Variants in IQSEC3 observed in about 807,000 individuals in gnomAD.
The protein encoded by IQSEC3 is IQ motif and Sec7 domain ArfGEF 3.
A neutral mutation model predicts 105.4 loss-of-function variants in IQSEC3; 50 were observed. The observed-to-expected ratio is 0.47, with a 90% CI of 0.38 to 0.60. The LOEUF (loss-of-function observed/expected upper bound fraction) is 0.60. Among genes scored for constraint, IQSEC3 ranks in the 20% least tolerant of loss-of-function variants. The pLI is 0.00. For missense variants in IQSEC3, 1,415 were observed against 1,630.0 expected, an observed-to-expected ratio of 0.87 and a Z score of 2.27; for synonymous variants, 708 against 746.0, an observed-to-expected ratio of 0.95 and a Z score of 0.83.
At chr12:136,626 G>A (rs564467735) in intron 3 of IQSEC3, among the ~76,000 whole-genome samples, 1 of 152,022 alleles carries the variant, frequency 6.6e-6, no homozygotes, top group Admixed American at 6.5e-5. Flanking sequence ...TGGAGAACAC[G>A]GGACGTCCCT....
chr12:114,348 A>G (rs370063017), intron 2 of IQSEC3, among the ~76,000 whole-genome samples: 14 of 152,348 alleles, frequency 9.2e-5, no homozygotes, highest in African/African-American at 3.4e-4. Flanking sequence ...GGACCTGAAC[A>G]ACATGCTTGC....
chr12:104,969 G>A (rs974627482), intron 2 of IQSEC3, among the ~76,000 whole-genome samples: 2 of 152,276 alleles, frequency 1.3e-5, no homozygotes, highest in Non-Finnish European at 2.9e-5. Flanking sequence ...TCACGTGCCT[G>A]CTCCGGGAGT....
rs1938833011 is a variant in IQSEC3 at position 169,116 on chromosome 12, G to C, written c.3064+11G>C. 6.2e-7 allele frequency: 1 copy of C among 1,612,378 alleles called. No homozygotes were observed. The highest frequency in any genetic ancestry group is 1.3e-5 in the African/African-American group (1 of 74,904). ...AAGGATCGCCGACAGGTGAGCCTCG[G>C]CTCCGCTCAGGGCACCAGTCCCCAT... On this transcript the variant is annotated intron_variant, in intron 12 of 13. Transcript: ENST00000538872.
chr12:138,413 G>C lies in IQSEC3; in HGVS notation c.1050G>C (p.Arg350=), dbSNP rs781909957. ...NSLLESRLPR[R]ISLRKVRSPT... ...TTCTGGAGAGCCGCCTGCCACGGCG[G>C]ATCTCCCTGCGCAAGGTGCGGTCAC... The change falls in exon 4 of 14, where the codon CGG becomes CGC. Residue 350 remains arginine (R), a synonymous_variant. Coordinates refer to ENST00000538872, the MANE Select transcript of IQSEC3 (RefSeq NM_001170738.2). The surrounding 1 kb of genome is among the most constrained non-coding windows in gnomAD (Gnocchi z 7.1). 6.2e-7 allele frequency: 1 copy of C among 1,609,294 alleles called. No homozygotes were observed. Among genetic ancestry groups the C allele is most frequent in the Non-Finnish European group, 8.5e-7 (1 of 1,179,838 alleles).
chr12:171,437 C>T, intron 13 of IQSEC3: 1 of 949,734 alleles, frequency 1.1e-6, no homozygotes, highest in South Asian at 1.5e-5. Context: ...AGACGGAGCT[C>T]ACGGCACCCT....
chr12:100,518 G>A (rs1864390102), intron 2 of IQSEC3, among the ~76,000 whole-genome samples: 1 of 152,202 alleles, frequency 6.6e-6, no homozygotes, highest in South Asian at 2.1e-4. Flanking sequence ...TCATAGGGGA[G>A]CCAGCAGAGG....
rs548109935 is a variant in IQSEC3, at chr12:169,946, T to C, written c.3064+841T>C. Among the ~76,000 whole-genome samples the C allele has an allele frequency of 2.6e-5, 4 of 152,336 alleles. No individual in the cohort carries two copies. In the East Asian group the frequency reaches 5.8e-4, roughly 22 times the overall value. On this transcript the variant is annotated intron_variant, in intron 12 of 13. Transcript: ENST00000538872. ...GCAGAACACTGGAAAGCCAGGGTCA[T>C]AGTGAGACGCCAGCTTGAGCTGAGA...
rs1555102346 is a variant in IQSEC3, at chr12:178,187, C to CCAGTGGCACCAGT, written c.*3154_*3155insCAGTGGCACCAGT. 1.4e-5 allele frequency: 2 copies of CCAGTGGCACCAGT among 147,552 alleles called. No individual in the cohort carries two copies. The highest frequency in any genetic ancestry group is 2.7e-5 in the African/African-American group (1 of 37,146). The allele number at this position is 147,552 out of a possible 1,614,324, so 9.1% of individuals were successfully genotyped here. On this transcript the variant is annotated 3_prime_UTR_variant, in exon 14 of 14. Coordinates refer to ENST00000538872, the MANE Select transcript of IQSEC3 (RefSeq NM_001170738.2). ...CGAGCCCCTGTGCCACCGGTCCCCA[C>CCAGTGGCACCAGT]GGCCCGCCAGGAGTCTCTTTGTACC...
intron 1 of IQSEC3, among the ~76,000 whole-genome samples, chr12:93,318 GTT>G (rs782469064): frequency 6.6e-6 from 1 of 152,212 alleles, no homozygotes; most frequent in Non-Finnish European, 1.5e-5. Context: ...ACAGAAGCAG[GTT>G]GTGCCCATGG....
intron 3 of IQSEC3, among the ~76,000 whole-genome samples, chr12:135,174 G>A (rs1403998329): frequency 1.3e-5 from 2 of 152,140 alleles, no homozygotes; most frequent in Non-Finnish European, 2.9e-5. Flanking sequence ...TTCTCATGGT[G>A]CTTGAATAGG....
At chr12:98,715 C>G (rs2136916277) in intron 1 of IQSEC3, among the ~76,000 whole-genome samples, 1 of 152,318 alleles carries the variant, frequency 6.6e-6, no homozygotes. Flanking sequence ...AAAGTATTCA[C>G]TGCACGCAAT....
chr12:104,837 C>G (rs7961697), intron 2 of IQSEC3, among the ~76,000 whole-genome samples: 7,033 of 152,364 alleles, frequency 0.046, 545 homozygotes, highest in African/African-American at 0.16. Context: ...TTTCCATCGG[C>G]TGTGATGGGG....
At chr12:134,720 C>G (rs1450737227) in intron 3 of IQSEC3, among the ~76,000 whole-genome samples, 1 of 151,352 alleles carries the variant, frequency 6.6e-6, no homozygotes, top group Non-Finnish European at 1.5e-5. Flanking sequence ...CATAGCAAAA[C>G]TCTGTCTCTA....
chr12:88,105 T>C (rs1204403850), intron 1 of IQSEC3, among the ~76,000 whole-genome samples: 1 of 152,212 alleles, frequency 6.6e-6, no homozygotes, highest in Non-Finnish European at 1.5e-5. Flanking sequence ...AAGCATGTTT[T>C]CTCAGCTGTT....
intron 1 of IQSEC3, among the ~76,000 whole-genome samples, chr12:69,999 C>A (rs1326573303): frequency 6.6e-6 from 1 of 152,270 alleles, no homozygotes; most frequent in Non-Finnish European, 1.5e-5. Flanking sequence ...GAGCTCCCCG[C>A]AGAACTGGTT....
At position 169,120 on chromosome 12, in the gene IQSEC3, C is replaced by A; in HGVS notation, c.3064+15C>A. On this transcript the variant is annotated intron_variant, in intron 12 of 13. Transcript: ENST00000538872. Reference sequence around the variant, plus strand: ...ATCGCCGACAGGTGAGCCTCGGCTCCGCTCAGGGCACCAGTCCCCATGGAG... The same window carrying A: ...ATCGCCGACAGGTGAGCCTCGGCTCAGCTCAGGGCACCAGTCCCCATGGAG... The A allele has an allele frequency of 1.2e-6, 2 of 1,611,426 alleles. No homozygotes were observed. Among genetic ancestry groups the A allele is most frequent in the East Asian group, 4.5e-5 (2 of 44,864 alleles).
At chr12:163,735 A>G (rs782296731) in intron 9 of IQSEC3, 116 bp downstream of exon 9, 28 of 747,006 alleles carry the variant, frequency 3.7e-5, no homozygotes, top group Non-Finnish European at 6.4e-5. Context: ...TTCAGACAGA[A>G]TGCCTGTTCC....
intron 3 of IQSEC3, among the ~76,000 whole-genome samples, chr12:137,236 G>A (rs187893428): frequency 2.8e-4 from 43 of 152,252 alleles, no homozygotes; most frequent in Admixed American, 1.6e-3. Flanking sequence ...CCCCAATCCC[G>A]ACCCTTCTGA....
chr12:73,554 CA>C (rs1863408191), intron 1 of IQSEC3, among the ~76,000 whole-genome samples: 1 of 152,130 alleles, frequency 6.6e-6, no homozygotes, highest in Admixed American at 6.5e-5. Flanking sequence ...ATAGTAGTCC[CA>C]GCTACTCGGG....
Sources: gnomAD v4.1 joint callset for allele counts (sites outside exome capture counted in the v4.1 genomes callset) on GRCh38, gnomAD v4.1.1 for gene constraint, Gnocchi (gnomAD v3.1) non-coding constraint, MANE v1.5 for transcripts, NCBI Gene and HGNC (gene_info 2026-07-23, HGNC 2026-07-21) for gene names.